The following CLSTN2 variants were observed in gnomAD, a reference collection of about 807,000 sequenced individuals.
The protein encoded by CLSTN2 is calsyntenin-2.
A neutral mutation model predicts 101.2 loss-of-function variants in CLSTN2; 48 were observed. The ratio of observed to expected loss-of-function variants is 0.47; its 90% CI spans 0.38 to 0.60. The LOEUF is 0.60. Among genes scored for constraint, CLSTN2 ranks in the 20% least tolerant of loss-of-function variants. The probability of loss-of-function intolerance (pLI) is 0.00; values close to 1 mark genes in which losing one functional copy is unlikely to be tolerated. For missense variants in CLSTN2, 1,160 were observed against 1,238.2 expected (o/e 0.94, Z 0.95); for synonymous variants, 481 against 463.6 (o/e 1.04, Z -0.48).
intron 2 of CLSTN2, among the ~76,000 whole-genome samples, chr3:140,347,277 A>G (rs950042914): frequency 2.6e-5 from 4 of 152,230 alleles, no homozygotes; most frequent in Non-Finnish European, 5.9e-5. Flanking sequence ...AACAGAGGTT[A>G]GGTCATTTCC....
Position 140,566,473 on chromosome 3 carries a change from T to G in CLSTN2, c.*220T>G. 1 of 584,302 alleles carries G rather than the reference T, an allele frequency of 1.7e-6. No individual in the cohort carries two copies. The highest frequency in any genetic ancestry group is 3.1e-6 in the Non-Finnish European group (1 of 327,352). The allele number at this position is 584,302 out of a possible 1,614,324, so 36.2% of individuals were successfully genotyped here. A position where few individuals can be genotyped will look rare whatever the true frequency, so the allele number is the denominator to read the frequency against. On this transcript the variant is annotated 3_prime_UTR_variant, in exon 17 of 17. Transcript: ENST00000458420. ...ATGGCCATCAGTGAGGACTTCAGGGTAGACTTTGTCCTGTAGCCTCCACTT... is the reference window on the plus strand; with the variant it reads ...ATGGCCATCAGTGAGGACTTCAGGGGAGACTTTGTCCTGTAGCCTCCACTT...
At position 140,569,000 on chromosome 3, in the gene CLSTN2, T is replaced by C. The variant is rs960928351; in HGVS notation, c.*2747T>C. The C allele has an allele frequency of 6.6e-6, 1 of 152,230 alleles. No homozygotes were observed. The highest frequency in any genetic ancestry group is 2.4e-5 in the African/African-American group (1 of 41,446). 9.4% of individuals were successfully genotyped at this position (152,230 alleles called of 1,614,324 possible). ...GCTATAAGAGGTCATTCTCTGCATGTCAGCTACAAAGATCAGGCACTTGAA... is the reference window on the plus strand; with the variant it reads ...GCTATAAGAGGTCATTCTCTGCATGCCAGCTACAAAGATCAGGCACTTGAA... On this transcript the variant is annotated 3_prime_UTR_variant, in exon 17 of 17. Coordinates refer to ENST00000458420, the MANE Select transcript of CLSTN2 (RefSeq NM_022131.3).
intron 8 of CLSTN2, among the ~76,000 whole-genome samples, chr3:140,511,022 G>C (rs6806710): frequency 3.3e-5 from 5 of 151,936 alleles, no homozygotes; most frequent in African/African-American, 1.2e-4. Flanking sequence ...ACTCTACCCC[G>C]TTCGACAGGC....
chr3:140,027,979 G>A (rs560542710), intron 1 of CLSTN2, among the ~76,000 whole-genome samples: 1 of 152,206 alleles, frequency 6.6e-6, no homozygotes, highest in Admixed American at 6.5e-5. Flanking sequence ...CATGTGTAAA[G>A]TGAAGCAATC....
At chr3:140,241,083 C>T (rs2086462973) in intron 2 of CLSTN2, among the ~76,000 whole-genome samples, 1 of 152,092 alleles carries the variant, frequency 6.6e-6, no homozygotes, top group Admixed American at 6.6e-5. Context: ...AGTTATGGTT[C>T]TATGCTTTCT....
intron 5 of CLSTN2, among the ~76,000 whole-genome samples, chr3:140,425,929 G>A (rs917932473): frequency 1.1e-4 from 16 of 152,188 alleles, no homozygotes; most frequent in African/African-American, 3.9e-4. Flanking sequence ...GAGTGGAAGG[G>A]AGAACTACTT....
intron 8 of CLSTN2, among the ~76,000 whole-genome samples, chr3:140,487,371 A>C (rs1242108476): frequency 6.6e-6 from 1 of 152,210 alleles, no homozygotes; most frequent in Non-Finnish European, 1.5e-5. Context: ...GAGGTAAACC[A>C]GCTTCTGAGA....
chr3:140,104,942 C>A (rs926327265), intron 1 of CLSTN2, among the ~76,000 whole-genome samples: 1 of 152,206 alleles, frequency 6.6e-6, no homozygotes, highest in Non-Finnish European at 1.5e-5. Context: ...CGTGCCACTG[C>A]ACTCCAGCCT....
intron 2 of CLSTN2, among the ~76,000 whole-genome samples, chr3:140,240,018 C>G (rs936856237): frequency 4.7e-5 from 7 of 149,166 alleles, no homozygotes; most frequent in Non-Finnish European, 8.9e-5. Context: ...GCAGGATATG[C>G]CTTTCTACCT....
At chr3:140,346,446 G>T (rs1409462245) in intron 2 of CLSTN2, among the ~76,000 whole-genome samples, 1 of 152,148 alleles carries the variant, frequency 6.6e-6, no homozygotes, top group Non-Finnish European at 1.5e-5. Flanking sequence ...AACCCACTCC[G>T]TGTAACTATA....
chr3:139,970,283 C>T (rs1262829392), intron 1 of CLSTN2, among the ~76,000 whole-genome samples: 1 of 152,146 alleles, frequency 6.6e-6, no homozygotes, highest in Non-Finnish European at 1.5e-5. Context: ...ACACAGGGTT[C>T]CTGGCACCAT....
chr3:140,291,879 G>A (rs761832238), intron 2 of CLSTN2, among the ~76,000 whole-genome samples: 2 of 151,928 alleles, frequency 1.3e-5, no homozygotes, highest in Non-Finnish European at 2.9e-5. Flanking sequence ...CTCACCAGCT[G>A]CCGCTTGAAA....
At chr3:140,085,722 C>A (rs2008670148) in intron 1 of CLSTN2, among the ~76,000 whole-genome samples, 1 of 152,156 alleles carries the variant, frequency 6.6e-6, no homozygotes, top group Non-Finnish European at 1.5e-5. Flanking sequence ...CCAGGATCTC[C>A]TACAAGCCTG....
At chr3:140,537,660 C>T (rs928877315) in intron 9 of CLSTN2, among the ~76,000 whole-genome samples, 16 of 152,200 alleles carry the variant, frequency 1.1e-4, no homozygotes, top group African/African-American at 3.4e-4. Flanking sequence ...TAGACAAATA[C>T]CAGGTTCTTT....
chr3:140,260,693 T>A (rs184083800), intron 2 of CLSTN2, among the ~76,000 whole-genome samples: 162 of 152,290 alleles, frequency 1.1e-3, no homozygotes, highest in Non-Finnish European at 1.0e-4. Flanking sequence ...CGTCTATAGT[T>A]TATTTAGATT....
intron 8 of CLSTN2, among the ~76,000 whole-genome samples, chr3:140,473,966 A>G (rs12634135): frequency 0.093 from 14,185 of 151,922 alleles, 738 homozygotes; most frequent in East Asian, 0.12. Flanking sequence ...AGTAGAGACA[A>G]GGTTTCACCG....
chr3:140,200,270 A>T (rs1489831513), intron 2 of CLSTN2, among the ~76,000 whole-genome samples: 2 of 152,124 alleles, frequency 1.3e-5, no homozygotes, highest in Non-Finnish European at 2.9e-5. Context: ...AATTTTTTTG[A>T]AATATAATGA....
At chr3:140,010,596 C>T (rs566324278) in intron 1 of CLSTN2, among the ~76,000 whole-genome samples, 6 of 152,336 alleles carry the variant, frequency 3.9e-5, no homozygotes, top group African/African-American at 1.2e-4. Flanking sequence ...GGGTCACAGG[C>T]TCCTCCATGA....
intron 2 of CLSTN2, among the ~76,000 whole-genome samples, chr3:140,297,344 A>G (rs1245003733): frequency 6.6e-6 from 1 of 152,182 alleles, no homozygotes; most frequent in African/African-American, 2.4e-5. Context: ...TTTGGGAAAA[A>G]TGGCCATCTC....
Sources: gnomAD v4.1 joint callset for allele counts (sites outside exome capture counted in the v4.1 genomes callset) on GRCh38, gnomAD v4.1.1 for gene constraint, MANE v1.5 for transcripts, NCBI Gene and HGNC (gene_info 2026-07-23, HGNC 2026-07-21) for gene names.